The following UNC5D variants were observed in gnomAD, a reference collection of about 807,000 sequenced individuals.
The protein encoded by UNC5D is netrin receptor UNC5D.
UNC5D carries 39 observed loss-of-function variants against 105.4 expected under a neutral mutation model. That is an observed-to-expected ratio of 0.37 (90% CI 0.29 to 0.48). The LOEUF (loss-of-function observed/expected upper bound fraction) is 0.48, where lower values mean the gene tolerates loss of function less well. Among genes scored for constraint, UNC5D ranks in the 20% least tolerant of loss-of-function variants. UNC5D has a pLI of 0.98. For missense variants in UNC5D, 991 were observed against 1,202.4 expected, an observed-to-expected ratio of 0.82 and a Z score of 2.60; for synonymous variants, 452 against 450.4, an observed-to-expected ratio of 1.00 and a Z score of -0.04.
chr8:35,770,959 T>C (rs1021707395), intron 15 of UNC5D, among the ~76,000 whole-genome samples: 5 of 152,182 alleles, frequency 3.3e-5, no homozygotes, highest in Admixed American at 2.0e-4. Context: ...GCATATTTAA[T>C]TTAAACAATC....
chr8:35,543,218 T>G (rs906477190), intron 1 of UNC5D, among the ~76,000 whole-genome samples: 3 of 151,766 alleles, frequency 2.0e-5, no homozygotes, highest in African/African-American at 7.2e-5. Flanking sequence ...AAAAGCATAC[T>G]TTGGAGACAG....
intron 1 of UNC5D, among the ~76,000 whole-genome samples, chr8:35,418,102 A>G (rs1805642135): frequency 6.6e-6 from 1 of 152,116 alleles, no homozygotes; most frequent in Admixed American, 6.5e-5. Flanking sequence ...AGCTTTGAAA[A>G]TAGAGATAGG....
At chr8:35,596,062 G>C (rs147940902) in intron 4 of UNC5D, among the ~76,000 whole-genome samples, 1 of 152,308 alleles carries the variant, frequency 6.6e-6, no homozygotes, top group African/African-American at 2.4e-5. Flanking sequence ...CCCAGTCCCA[G>C]TGTCACTGGT....
At chr8:35,368,307 TG>T (rs1426435919) in intron 1 of UNC5D, among the ~76,000 whole-genome samples, 1 of 152,144 alleles carries the variant, frequency 6.6e-6, no homozygotes, top group African/African-American at 2.4e-5. Flanking sequence ...TTGCAGTATT[TG>T]CCACCCCCCG....
intron 4 of UNC5D, among the ~76,000 whole-genome samples, chr8:35,600,619 A>G (rs1245325167): frequency 3.3e-5 from 5 of 152,248 alleles, no homozygotes; most frequent in South Asian, 2.1e-4. Context: ...GTCTGTTCAT[A>G]TCCTTCGCCC....
intron 1 of UNC5D, among the ~76,000 whole-genome samples, chr8:35,506,387 G>T (rs537630239): frequency 6.6e-6 from 1 of 152,286 alleles, no homozygotes; most frequent in African/African-American, 2.4e-5. Flanking sequence ...CCTATTACTT[G>T]TATGGCAAAT....
chr8:35,604,881 G>C (rs1820171241), intron 4 of UNC5D, among the ~76,000 whole-genome samples: 1 of 152,164 alleles, frequency 6.6e-6, no homozygotes, highest in Non-Finnish European at 1.5e-5. Context: ...TCGTGCCATG[G>C]TTTTCAGCTC....
intron 1 of UNC5D, among the ~76,000 whole-genome samples, chr8:35,459,634 A>G (rs1455974109): frequency 6.6e-6 from 1 of 152,182 alleles, no homozygotes; most frequent in African/African-American, 2.4e-5. Flanking sequence ...ATTCTTTATA[A>G]ACCTGTCACC....
At chr8:35,606,917 C>T (rs1164576769) in intron 4 of UNC5D, among the ~76,000 whole-genome samples, 1 of 152,140 alleles carries the variant, frequency 6.6e-6, no homozygotes, top group Non-Finnish European at 1.5e-5. Context: ...GACAGGCTGG[C>T]TTCTAGGAGG....
intron 1 of UNC5D, among the ~76,000 whole-genome samples, chr8:35,358,017 C>A (rs1475351126): frequency 6.6e-6 from 1 of 152,050 alleles, no homozygotes; most frequent in Non-Finnish European, 1.5e-5. Flanking sequence ...AACATCTTCC[C>A]ATATTTATAT....
rs554894185 is a variant in UNC5D, at chr8:35,465,067, C to T, written c.104-84225C>T. Among the ~76,000 whole-genome samples the T allele has an allele frequency of 5.3e-5, 8 of 152,302 alleles. No individual in the cohort carries two copies. In the South Asian group the frequency reaches 1.7e-3, roughly 32 times the overall value. On this transcript the variant is annotated intron_variant, in intron 1 of 16. Transcript: ENST00000404895. ...CTCCAGTCTACCATACATATCACTGCCAGGATTATATTCTTTATGACAAGG... is the reference window on the plus strand; with the variant it reads ...CTCCAGTCTACCATACATATCACTGTCAGGATTATATTCTTTATGACAAGG...
intron 1 of UNC5D, among the ~76,000 whole-genome samples, chr8:35,379,816 C>T (rs965679791): frequency 6.6e-6 from 1 of 152,044 alleles, no homozygotes; most frequent in Non-Finnish European, 1.5e-5. Context: ...CTTTGCCTTT[C>T]CTAGTAGCCT....
At chr8:35,766,045 A>T (rs967474642) in intron 14 of UNC5D, among the ~76,000 whole-genome samples, 1 of 152,174 alleles carries the variant, frequency 6.6e-6, no homozygotes, top group African/African-American at 2.4e-5. Context: ...ACAGTCTGGT[A>T]GCAAGCACTG....
In UNC5D at chr8:35,699,356, C is replaced by CAGA. The variant is rs1322471021; in HGVS notation, c.1085-6570_1085-6568dup. ...GGCAATTCAGGAAGGTCATTGTCAT[C>CAGA]AGAAGTGACATCCTTGAGCCATCTG... On this transcript the variant is annotated intron_variant, in intron 7 of 16. Transcript: ENST00000404895. Among the ~76,000 whole-genome samples, 4 of 152,294 alleles carry CAGA rather than the reference C, an allele frequency of 2.6e-5. No homozygotes were observed. In the East Asian group the frequency reaches 7.7e-4, roughly 29 times the overall value.
intron 10 of UNC5D, chr8:35,727,496 G>A (rs1018405145): frequency 3.9e-5 from 6 of 152,154 alleles, no homozygotes; most frequent in African/African-American, 9.7e-5. Context: ...GGACTAGTCT[G>A]ATTCTACCAT....
chr8:35,763,240 A>G (rs1462827087), intron 14 of UNC5D, among the ~76,000 whole-genome samples: 1 of 152,094 alleles, frequency 6.6e-6, no homozygotes, highest in African/African-American at 2.4e-5. Context: ...AAATGTTTGG[A>G]TTGTGTTCAA....
At chr8:35,633,519 G>A (rs911891607) in intron 4 of UNC5D, among the ~76,000 whole-genome samples, 3 of 151,972 alleles carry the variant, frequency 2.0e-5, no homozygotes, top group East Asian at 1.9e-4. Flanking sequence ...AGGTCGAGGC[G>A]GGAGGATCTC....
At chr8:35,640,671 A>G (rs1422233712) in intron 4 of UNC5D, among the ~76,000 whole-genome samples, 1 of 152,116 alleles carries the variant, frequency 6.6e-6, no homozygotes, top group African/African-American at 2.4e-5. Context: ...TCAAATCACA[A>G]TTATATTTTT....
At chr8:35,504,664 C>T (rs1812193358) in intron 1 of UNC5D, among the ~76,000 whole-genome samples, 1 of 152,158 alleles carries the variant, frequency 6.6e-6, no homozygotes, top group Non-Finnish European at 1.5e-5. Flanking sequence ...AATAGAGTCC[C>T]AGATTTTTGT....
Sources: allele counts gnomAD v4.1 joint callset (sites outside exome capture counted in the v4.1 genomes callset), GRCh38; gene constraint gnomAD v4.1.1; transcripts MANE v1.5; gene names NCBI Gene and HGNC (gene_info 2026-07-23, HGNC 2026-07-21).